The following FRYL variants were observed in gnomAD, a reference collection of about 807,000 sequenced individuals.
FRYL encodes FRY like transcription coactivator, also known as protein furry homolog-like.
A neutral mutation model predicts 351.2 loss-of-function variants in FRYL; 150 were observed. The ratio of observed to expected loss-of-function variants is 0.43; its 90% confidence interval spans 0.37 to 0.49. The LOEUF is 0.49. Ranked by LOEUF, FRYL falls within the 20% of genes least tolerant of loss-of-function variation. The pLI, the probability that FRYL is intolerant of heterozygous loss-of-function variation, is 0.00. For synonymous variants in FRYL, 1,153 were observed against 1,257.1 expected (o/e 0.92, Z 1.75); for missense variants, 3,036 against 3,619.3 (o/e 0.84, Z 4.13).
chr4:48,608,931 T>C (rs1293002983), intron 9 of FRYL, 56 bp downstream of exon 9: 3 of 1,025,402 alleles, frequency 2.9e-6, no homozygotes, highest in Non-Finnish European at 3.1e-6. Flanking sequence ...TATTCATTGG[T>C]AATGAAGCAT....
chr4:48,525,556 A>G (rs1577941697), intron 53 of FRYL, among the ~76,000 whole-genome samples: 1 of 152,194 alleles, frequency 6.6e-6, no homozygotes, highest in East Asian at 1.9e-4. Flanking sequence ...CGCCTCACCT[A>G]TTAGAGCCAA....
intron 49 of FRYL, among the ~76,000 whole-genome samples, chr4:48,533,246 A>G (rs891108235): frequency 6.6e-6 from 1 of 152,128 alleles, no homozygotes; most frequent in Non-Finnish European, 1.5e-5. Context: ...TTCTATGTGA[A>G]ATATAGCAAA....
chr4:48,556,468 G>A (rs1306484396), intron 35 of FRYL, among the ~76,000 whole-genome samples: 1 of 152,122 alleles, frequency 6.6e-6, no homozygotes, highest in African/African-American at 2.4e-5. Flanking sequence ...CAGCCTGAAG[G>A]ACAATCCTAC....
At chr4:48,670,303 C>T (rs1762443000) in intron 3 of FRYL, among the ~76,000 whole-genome samples, 1 of 151,790 alleles carries the variant, frequency 6.6e-6, no homozygotes, top group African/African-American at 2.4e-5. Context: ...CATGGTGGCA[C>T]ACACCTGTAA....
rs757923618 is a variant in FRYL at position 48,521,128 on chromosome 4, T to C, written c.7609A>G (p.Thr2537Ala). The change falls in exon 55 of 64, where the codon ACA (threonine) becomes GCA (alanine). Residue 2537 changes from threonine to alanine, a missense_variant. Transcript: ENST00000358350. ...QSEDSTGSIT[T>A]EEVLQIRDET... ...TCCCTGATTTGAAGCACTTCCTCTG[T>C]TGTGATGCTGCCAGTGGAATCTTCA... 3 of 1,613,746 alleles carry C rather than the reference T, an allele frequency of 1.9e-6. No homozygotes were observed. Among genetic ancestry groups the C allele is most frequent in the Admixed American group, 3.3e-5 (2 of 60,018 alleles).
intron 1 of FRYL, among the ~76,000 whole-genome samples, chr4:48,712,381 A>C (rs1388470514): frequency 6.6e-6 from 1 of 152,216 alleles, no homozygotes; most frequent in Non-Finnish European, 1.5e-5. Context: ...AAAGGAGCCG[A>C]TGGAGCTGAA....
chr4:48,688,825 G>A (rs1252102210), intron 2 of FRYL, among the ~76,000 whole-genome samples: 3 of 151,774 alleles, frequency 2.0e-5, no homozygotes, highest in Non-Finnish European at 2.9e-5. Flanking sequence ...ACCATGCCTG[G>A]CTAATTTTTT....
chr4:48,560,694 G>A (rs4235156), intron 33 of FRYL, among the ~76,000 whole-genome samples: 143,561 of 152,202 alleles, frequency 0.94, 67,840 homozygotes, highest in South Asian at 0.98. Flanking sequence ...AAAAGGAAGA[G>A]GCATTGCTAC....
chr4:48,737,307 C>A (rs1424516097), intron 1 of FRYL, among the ~76,000 whole-genome samples: 2 of 145,688 alleles, frequency 1.4e-5, no homozygotes, highest in African/African-American at 5.0e-5. Context: ...ACCAATAGTA[C>A]AGATTCCATA....
rs993058460 is a variant in FRYL, at chr4:48,589,808, A to G, written c.1577T>C (p.Val526Ala). The G allele has an allele frequency of 1.9e-6, 3 of 1,613,684 alleles. No individual in the cohort carries two copies. Among genetic ancestry groups the G allele is most frequent in the African/African-American group, 2.7e-5 (2 of 74,912 alleles). Residue 526 changes from valine to alanine, a missense_variant, in exon 18 of 64, where the codon GTT (valine) becomes GCT (alanine). By Grantham distance (64) the Val-to-Ala change is moderately conservative (BLOSUM62 0). Transcript: ENST00000358350. The part of the protein sequence containing the change: ...DSILRHLDKE[V>A]GRPMCMTSVQ... Reference sequence around the variant, plus strand: ...ACTGGTCATACACATTGGTCTCCCAACTTCTTTGTCCAAATGTCTGAGGAT... The same window carrying G: ...ACTGGTCATACACATTGGTCTCCCAGCTTCTTTGTCCAAATGTCTGAGGAT...
intron 25 of FRYL, among the ~76,000 whole-genome samples, chr4:48,573,768 C>A (rs1247952446): frequency 6.6e-6 from 1 of 152,132 alleles, no homozygotes; most frequent in Non-Finnish European, 1.5e-5. Flanking sequence ...TCAGGCTGGT[C>A]TCAAACTCCC....
intron 27 of FRYL, among the ~76,000 whole-genome samples, chr4:48,570,500 G>T (rs186635941): frequency 6.6e-6 from 1 of 152,206 alleles, no homozygotes; most frequent in East Asian, 1.9e-4. Context: ...TAAGAAAAAG[G>T]AAAATCTTTT....
Position 48,497,974 on chromosome 4 carries a change from C to T in FRYL, c.*1448G>A, listed in dbSNP as rs531022159. On this transcript the variant is annotated 3_prime_UTR_variant, in exon 64 of 64. Transcript: ENST00000358350. Reference sequence around the variant, plus strand: ...ATTTCTACATTCTAAACTCTGGAATCACAGAGCCCAGTTTAAAAGAAAAGT... The same window carrying T: ...ATTTCTACATTCTAAACTCTGGAATTACAGAGCCCAGTTTAAAAGAAAAGT... 2 of 152,340 alleles carry T rather than the reference C, an allele frequency of 1.3e-5. No individual in the cohort carries two copies. The highest frequency in any genetic ancestry group is 4.8e-5 in the African/African-American group (2 of 41,356). The allele number at this position is 152,340 out of a possible 1,614,324, so 9.4% of individuals were successfully genotyped here. A position where few individuals can be genotyped will look rare whatever the true frequency, so the allele number is the denominator to read the frequency against.
At chr4:48,524,611 G>A (rs1054891561) in intron 53 of FRYL, among the ~76,000 whole-genome samples, 2 of 152,014 alleles carry the variant, frequency 1.3e-5, no homozygotes, top group Admixed American at 6.6e-5. Flanking sequence ...AATGTGTATC[G>A]CTGATTTGGC....
At chr4:48,633,065 C>A (rs1753571047) in intron 4 of FRYL, among the ~76,000 whole-genome samples, 1 of 152,138 alleles carries the variant, frequency 6.6e-6, no homozygotes, top group African/African-American at 2.4e-5. Context: ...TGAGTTTCAG[C>A]TGTTACAACA....
chr4:48,535,692 C>G lies in FRYL; in HGVS notation c.6529G>C (p.Asp2177His). The change falls in exon 48 of 64, where the codon GAT becomes CAT. Residue 2177 changes from aspartate to histidine, a missense_variant. Asp to His is a moderately conservative substitution (Grantham distance 81). Coordinates refer to ENST00000358350, the MANE Select transcript of FRYL (RefSeq NM_015030.2). ...TAAGTCACAAGATTAAATGTTGTATCTGAGAAGGAGTCATGCAGGTATCTG... is the reference window on the plus strand; with the variant it reads ...TAAGTCACAAGATTAAATGTTGTATGTGAGAAGGAGTCATGCAGGTATCTG... Reference protein sequence around the residue: ...VCRYLHDSFSDTTFNLVTYLA... With the variant: ...VCRYLHDSFSHTTFNLVTYLA... 1 of 1,592,334 alleles carries G rather than the reference C, an allele frequency of 6.3e-7. No individual in the cohort carries two copies. Among genetic ancestry groups the G allele is most frequent in the Admixed American group, 1.8e-5 (1 of 55,612 alleles).
intron 29 of FRYL, 73 bp downstream of exon 29, chr4:48,565,458 C>A: frequency 8.7e-7 from 1 of 1,146,554 alleles, no homozygotes; most frequent in Non-Finnish European, 1.2e-6. Flanking sequence ...CTTTTTAATA[C>A]TAGTGACTGA....
At chr4:48,736,751 G>A (rs1402106002) in intron 1 of FRYL, among the ~76,000 whole-genome samples, 5 of 145,594 alleles carry the variant, frequency 3.4e-5, no homozygotes, top group Admixed American at 7.3e-5. Context: ...TTGGGAGGCT[G>A]AAGCAGGAGA....
intron 2 of FRYL, among the ~76,000 whole-genome samples, chr4:48,687,491 TCGGG>T (rs1560861009): frequency 5.1e-3 from 1 of 198 alleles, no homozygotes; most frequent in African/African-American, 0.014. Context: ...GCAAATGAGG[TCGGG>T]GGGGGGGGGG....
Sources: allele counts gnomAD v4.1 joint callset (sites outside exome capture counted in the v4.1 genomes callset), GRCh38; gene constraint gnomAD v4.1.1; transcripts MANE v1.5; gene names NCBI Gene and HGNC (gene_info 2026-07-23, HGNC 2026-07-21).